SH3RF2: variants seen among roughly 807,000 people sequenced by gnomAD.
SH3RF2 encodes SH3 domain containing ring finger 2.
In SH3RF2, 43 loss-of-function variants were observed where a neutral mutation model predicts 59.0. That is an observed-to-expected ratio of 0.73 (90% CI 0.57 to 0.94). SH3RF2 has a LOEUF of 0.94. Ranked by LOEUF, SH3RF2 falls within the 40% of genes least tolerant of loss-of-function variation. SH3RF2 has a pLI of 0.00. For missense variants in SH3RF2, 930 were observed against 940.1 expected, an observed-to-expected ratio of 0.99 and a Z score of 0.14; for synonymous variants, 391 against 391.5, an observed-to-expected ratio of 1.00 and a Z score of 0.01.
chr5:146,064,784 G>GAAGGAAGGAAAGGAAGGAAGGA (rs1763043422), downstream of SH3RF2, among the ~76,000 whole-genome samples: 18 of 37,684 alleles, frequency 4.8e-4, 1 homozygote, highest in Non-Finnish European at 7.9e-4. Flanking sequence ...GGAAAGGAAG[G>GAAGGAAGGAAAGGAAGGAAGGA]AAGGAAGGAA....
Position 146,004,069 on chromosome 5 carries a change from C to T in SH3RF2, c.660C>T (p.Ile220=). ...ACTTTCTCTTTCAGGACGATATCATCACTGTGATCAGCCGAGTGGATGAGA... is the reference window on the plus strand; with the variant it reads ...ACTTTCTCTTTCAGGACGATATCATTACTGTGATCAGCCGAGTGGATGAGA... ...DCLTFLKDDI[I]TVISRVDENW... Residue 220 remains isoleucine, a synonymous_variant, in exon 4 of 10, where the codon ATC becomes ATT. Coordinates refer to ENST00000359120, the MANE Select transcript of SH3RF2 (RefSeq NM_152550.4). 1 of 1,612,512 alleles carries T rather than the reference C, an allele frequency of 6.2e-7. No homozygotes were observed. The highest frequency in any genetic ancestry group is 8.5e-7 in the Non-Finnish European group (1 of 1,178,844).
chr5:145,957,861 C>T (rs2149951434), intron 2 of SH3RF2, among the ~76,000 whole-genome samples: 1 of 152,248 alleles, frequency 6.6e-6, no homozygotes, highest in Non-Finnish European at 1.5e-5. Context: ...GCCTGTAATC[C>T]CAATACTTTG....
At chr5:145,970,377 G>A (rs952928902) in intron 2 of SH3RF2, among the ~76,000 whole-genome samples, 1 of 151,848 alleles carries the variant, frequency 6.6e-6, no homozygotes, top group Non-Finnish European at 1.5e-5. Context: ...ACAATATTTG[G>A]TTTTCCATTC....
chr5:146,016,473 G>T (rs1296347115), intron 5 of SH3RF2, among the ~76,000 whole-genome samples: 3 of 152,064 alleles, frequency 2.0e-5, no homozygotes, highest in East Asian at 1.9e-4. Flanking sequence ...TGATAGAAAA[G>T]TCTCCTTTTA....
At position 146,062,763 on chromosome 5, in the gene SH3RF2, CCACTG is replaced by C; in HGVS notation, c.*63_*67del. 6.5e-7 allele frequency: 1 copy of C among 1,548,228 alleles called. No homozygotes were observed. The highest frequency in any genetic ancestry group is 2.3e-5 in the East Asian group (1 of 44,210). On this transcript the variant is annotated 3_prime_UTR_variant, in exon 10 of 10. Transcript: ENST00000359120. ...AATTGCATTTAAATACAGTCTGCCT[CCACTG>C]AGGGCATCCTGCCATTCTTTGGGGA...
intron 2 of SH3RF2, among the ~76,000 whole-genome samples, chr5:145,971,681 T>C (rs1055611941): frequency 6.6e-6 from 1 of 152,180 alleles, no homozygotes; most frequent in South Asian, 2.1e-4. Flanking sequence ...TCCACAAGGA[T>C]TGACCAGCTG....
At position 146,013,940 on chromosome 5, in the gene SH3RF2, A is replaced by G; in HGVS notation, c.938A>G (p.His313Arg). The change falls in exon 5 of 10, where the codon CAT becomes CGT. Residue 313 changes from histidine (H) to arginine (R), a missense_variant. By Grantham distance (29) the His-to-Arg change is conservative. Transcript: ENST00000359120. ...TTGAACACTCTCAACCGGATGGTCC[A>G]TTCTCCTTCAGGGCGCCATATGGTA... is the stretch of plus-strand genomic sequence containing the variant. ...TALNTLNRMV[H>R]SPSGRHMVEI... is the part of the protein sequence containing the mutation. 3 of 1,614,054 alleles carry G rather than the reference A, an allele frequency of 1.9e-6. No homozygotes were observed. Among genetic ancestry groups the G allele is most frequent in the Non-Finnish European group, 2.5e-6 (3 of 1,180,008 alleles).
intron 9 of SH3RF2, among the ~76,000 whole-genome samples, chr5:146,077,718 A>C (rs2150030407): frequency 6.6e-6 from 1 of 152,306 alleles, no homozygotes; most frequent in Non-Finnish European, 1.5e-5. Flanking sequence ...CTTATAGAAA[A>C]ATTATTTCAA....
chr5:146,016,532 C>A (rs1410442558), intron 5 of SH3RF2, among the ~76,000 whole-genome samples: 1 of 152,096 alleles, frequency 6.6e-6, no homozygotes, highest in Non-Finnish European at 1.5e-5. Flanking sequence ...TAATAAGAAC[C>A]TTTGTAGGGG....
At chr5:145,939,382 G>A (rs1757722990) in intron 2 of SH3RF2, among the ~76,000 whole-genome samples, 1 of 152,244 alleles carries the variant, frequency 6.6e-6, no homozygotes, top group Non-Finnish European at 1.5e-5. Flanking sequence ...GGTCTTGCAG[G>A]ACTGCTTCCT....
At chr5:145,993,886 G>A (rs758328112) in intron 2 of SH3RF2, among the ~76,000 whole-genome samples, 7 of 152,168 alleles carry the variant, frequency 4.6e-5, no homozygotes, top group African/African-American at 1.2e-4. Flanking sequence ...AGCCTGCAGC[G>A]GGCTTCAATT....
chr5:146,049,521 G>A (rs190713188), intron 7 of SH3RF2, among the ~76,000 whole-genome samples: 29 of 152,248 alleles, frequency 1.9e-4, no homozygotes, highest in Admixed American at 1.8e-3. Flanking sequence ...AGATGAAAAT[G>A]GTGTGCAGAG....
chr5:145,998,126 G>A (rs1561731827), intron 2 of SH3RF2: 1 of 465,412 alleles, frequency 2.1e-6, no homozygotes, highest in Non-Finnish European at 3.8e-6. Flanking sequence ...TTTAAACCAA[G>A]TTTTTCCCTT....
chr5:145,989,891 A>G (rs1759870386), intron 2 of SH3RF2, among the ~76,000 whole-genome samples: 1 of 151,996 alleles, frequency 6.6e-6, no homozygotes, highest in Non-Finnish European at 1.5e-5. Flanking sequence ...ACCTCCCTTT[A>G]TTTTTAAAAT....
intron 2 of SH3RF2, among the ~76,000 whole-genome samples, chr5:145,961,053 G>A (rs72818445): frequency 0.035 from 5,276 of 152,134 alleles, 111 homozygotes; most frequent in Non-Finnish European, 0.049. Flanking sequence ...CTCCTACAGT[G>A]AACACCACCC....
rs779219277 is a variant in SH3RF2, at chr5:145,938,105, C to T, written c.177C>T (p.Asn59=). Residue 59 remains asparagine (N), a synonymous_variant, in exon 2 of 10, where the codon AAC becomes AAT. Transcript: ENST00000359120. ...AATGCAGGACGCCTGTGTTTTCCAACATTGAGGCGCTGCCGGCCAACCTGC... is the reference window on the plus strand; with the variant it reads ...AATGCAGGACGCCTGTGTTTTCCAATATTGAGGCGCTGCCGGCCAACCTGC... ...CPECRTPVFS[N]IEALPANLLL... 4.3e-6 allele frequency: 7 copies of T among 1,614,236 alleles called. No individual in the cohort carries two copies. In the Admixed American group the frequency reaches 6.7e-5, roughly 15 times the overall value.
intron 2 of SH3RF2, among the ~76,000 whole-genome samples, chr5:145,961,379 T>A (rs919371339): frequency 6.6e-6 from 1 of 152,184 alleles, no homozygotes; most frequent in Non-Finnish European, 1.5e-5. Flanking sequence ...AGAACCACTG[T>A]TTCTTTCTGT....
chr5:145,995,184 A>T (rs904628762), intron 2 of SH3RF2, among the ~76,000 whole-genome samples: 1 of 152,138 alleles, frequency 6.6e-6, no homozygotes, highest in African/African-American at 2.4e-5. Flanking sequence ...TCTAGGGATC[A>T]TGTCTGCATT....
At chr5:146,051,285 G>T (rs935520118) in intron 7 of SH3RF2, among the ~76,000 whole-genome samples, 1 of 152,076 alleles carries the variant, frequency 6.6e-6, no homozygotes, top group Non-Finnish European at 1.5e-5. Context: ...ATAATGAAGG[G>T]TTTAGCTTTA....
Sources: allele counts gnomAD v4.1 joint callset (sites outside exome capture counted in the v4.1 genomes callset), GRCh38; gene constraint gnomAD v4.1.1; transcripts MANE v1.5; gene names NCBI Gene and HGNC (gene_info 2026-07-23, HGNC 2026-07-21).